PAPPA: variants seen among roughly 807,000 people sequenced by gnomAD.
The protein encoded by PAPPA is pappalysin 1.
Under a neutral mutation model 164.0 loss-of-function variants are expected in PAPPA, and 60 were observed. That is an observed-to-expected ratio of 0.37 (90% CI 0.30 to 0.45). The LOEUF (loss-of-function observed/expected upper bound fraction) is 0.45, where lower values mean the gene tolerates loss of function less well. Among genes scored for constraint, PAPPA ranks in the 20% least tolerant of loss-of-function variants. The pLI is 1.00. For missense variants in PAPPA, 1,782 were observed against 2,087.3 expected, an observed-to-expected ratio of 0.85 and a Z score of 2.85; for synonymous variants, 875 against 814.1, an observed-to-expected ratio of 1.07 and a Z score of -1.27.
At chr9:116,285,052 C>T (rs1845315774) in intron 9 of PAPPA, among the ~76,000 whole-genome samples, 1 of 151,970 alleles carries the variant, frequency 6.6e-6, no homozygotes, top group South Asian at 2.1e-4. Context: ...TCCATGTTGC[C>T]CTTGAGATAA....
intron 9 of PAPPA, among the ~76,000 whole-genome samples, chr9:116,284,226 G>C (rs571686768): frequency 6.6e-6 from 1 of 152,112 alleles, no homozygotes; most frequent in African/African-American, 2.4e-5. Context: ...ACCTGTCCCC[G>C]GAAGAGATTG....
chr9:116,376,124 G>A (rs561708075), intron 19 of PAPPA, among the ~76,000 whole-genome samples: 91 of 151,196 alleles, frequency 6.0e-4, no homozygotes, highest in African/African-American at 2.0e-3. Flanking sequence ...GGGTTCAAGC[G>A]ATTCTCCTCC....
At chr9:116,372,313 GGCCTCCTGT>G (rs145617714) in intron 19 of PAPPA, among the ~76,000 whole-genome samples, 255 of 152,284 alleles carry the variant, frequency 1.7e-3, no homozygotes, top group Non-Finnish European at 2.7e-3. Flanking sequence ...TGGAAATGTG[GGCCTCCTGT>G]GGCCAAATTT....
At chr9:116,392,319 G>A (rs549725213) in intron 21 of PAPPA, among the ~76,000 whole-genome samples, 13 of 152,260 alleles carry the variant, frequency 8.5e-5, no homozygotes, top group African/African-American at 3.1e-4. Context: ...TTGAAGTGGG[G>A]TTTGGAATCC....
intron 10 of PAPPA, among the ~76,000 whole-genome samples, chr9:116,310,992 A>G (rs934417767): frequency 2.0e-5 from 3 of 151,984 alleles, no homozygotes; most frequent in Non-Finnish European, 4.4e-5. Flanking sequence ...TTAAAGAAAC[A>G]CTTCTGTCTG....
chr9:116,245,327 A>G (rs1291571728), intron 7 of PAPPA, among the ~76,000 whole-genome samples: 1 of 152,172 alleles, frequency 6.6e-6, no homozygotes, highest in Admixed American at 6.5e-5. Context: ...AGAAGGGGCC[A>G]GATTATGAAG....
chr9:116,332,701 G>T, intron 12 of PAPPA: 1 of 426,470 alleles, frequency 2.3e-6, no homozygotes, highest in South Asian at 4.1e-5. Flanking sequence ...ACTCCCTTCT[G>T]CCAGCCACCT....
chr9:116,351,043 A>C (rs1189202678), intron 15 of PAPPA, among the ~76,000 whole-genome samples: 1 of 152,200 alleles, frequency 6.6e-6, no homozygotes. Context: ...ATAAAATTGC[A>C]AAGTACTTTC....
Position 116,271,097 on chromosome 9 carries a change from C to T in PAPPA, c.2862-228C>T, listed in dbSNP as rs1046492352. ...CTCAGAGAATGAGTTGGAATCAGGA[C>T]TTCTACTTTGTCATCAGAAACACAA... On this transcript the variant is annotated intron_variant, in intron 8 of 21. Transcript: ENST00000328252. The surrounding 1 kb of genome is among the most constrained non-coding windows in gnomAD (Gnocchi z 4.2). 2.0e-5 allele frequency among the ~76,000 whole-genome samples: 3 copies of T among 152,202 alleles called. No individual in the cohort carries two copies. In the East Asian group the frequency reaches 5.8e-4, roughly 29 times the overall value.
At chr9:116,286,214 G>A (rs1399932609) in intron 9 of PAPPA, 2 of 152,040 alleles carry the variant, frequency 1.3e-5, no homozygotes, top group East Asian at 3.9e-4. Context: ...ATTACTCTTT[G>A]GTAAGGTCCA....
chr9:116,220,105 C>CTATA lies in PAPPA; in HGVS notation c.2088_2091dup (p.Asp698TyrfsTer7). 6.2e-7 allele frequency: 1 copy of CTATA among 1,613,674 alleles called. No homozygotes were observed. Among genetic ancestry groups the CTATA allele is most frequent in the Non-Finnish European group, 8.5e-7 (1 of 1,179,838 alleles). ...TCTGTGACACTGGAGTGGTTCCCAC[C>CTATA]TATAGATGGCCATTTCTTTGAAAGG... On this transcript the variant is annotated frameshift_variant, in exon 5 of 22. Transcript: ENST00000328252. LOFTEE classifies it high-confidence loss of function.
intron 1 of PAPPA, among the ~76,000 whole-genome samples, chr9:116,173,871 G>A (rs933799796): frequency 6.6e-6 from 1 of 152,076 alleles, no homozygotes; most frequent in East Asian, 1.9e-4. Context: ...TATAGAACTC[G>A]CTTTATTACT....
intron 9 of PAPPA, among the ~76,000 whole-genome samples, chr9:116,297,137 G>A (rs925675810): frequency 2.6e-5 from 4 of 152,210 alleles, no homozygotes; most frequent in Admixed American, 6.5e-5. Flanking sequence ...TTACAGGCAT[G>A]AGCCACCATG....
intron 6 of PAPPA, among the ~76,000 whole-genome samples, chr9:116,232,465 C>G (rs1844610637): frequency 6.6e-6 from 1 of 152,088 alleles, no homozygotes; most frequent in Non-Finnish European, 1.5e-5. Context: ...ATATTTTAAC[C>G]CAACTTTCAT....
intron 9 of PAPPA, among the ~76,000 whole-genome samples, chr9:116,272,360 T>C (rs1156628278): frequency 6.6e-6 from 1 of 152,200 alleles, no homozygotes; most frequent in African/African-American, 2.4e-5. Context: ...TACAAGCGGA[T>C]GAAAACCTTC....
At chr9:116,301,487 T>TA (rs1403158893) in intron 9 of PAPPA, among the ~76,000 whole-genome samples, 1 of 152,206 alleles carries the variant, frequency 6.6e-6, no homozygotes. Flanking sequence ...CTAGAATTAG[T>TA]AAAAAGGTGG....
At chr9:116,157,876 G>A (rs1284321691) in intron 1 of PAPPA, among the ~76,000 whole-genome samples, 1 of 151,984 alleles carries the variant, frequency 6.6e-6, no homozygotes, top group East Asian at 1.9e-4. Context: ...CCAGACCCCT[G>A]TTCCTCATCC....
intron 4 of PAPPA, 72 bp downstream of exon 4, chr9:116,212,004 A>G: frequency 7.4e-7 from 1 of 1,348,550 alleles, no homozygotes; most frequent in South Asian, 1.3e-5. Context: ...GCTCAGGGGA[A>G]CCTTGAACAA....
intron 10 of PAPPA, among the ~76,000 whole-genome samples, chr9:116,326,097 A>C (rs1368162639): frequency 6.6e-6 from 1 of 152,160 alleles, no homozygotes; most frequent in Non-Finnish European, 1.5e-5. Context: ...CCAATGGTAC[A>C]TAGGCTTTCT....
Sources: gnomAD v4.1 joint callset for allele counts (sites outside exome capture counted in the v4.1 genomes callset) on GRCh38, gnomAD v4.1.1 for gene constraint, Gnocchi (gnomAD v3.1) non-coding constraint, MANE v1.5 for transcripts, NCBI Gene and HGNC (gene_info 2026-07-23, HGNC 2026-07-21) for gene names.